Variants in CTNNA3 observed in about 807,000 individuals in gnomAD.
The protein encoded by CTNNA3 is catenin alpha 3.
CTNNA3 carries 76 observed loss-of-function variants against 95.7 expected under a neutral mutation model. That is an observed-to-expected ratio of 0.79 (90% CI 0.66 to 0.96). The LOEUF (loss-of-function observed/expected upper bound fraction) is 0.96, where lower values mean the gene tolerates loss of function less well. Ranked by LOEUF, CTNNA3 falls within the 40% of genes least tolerant of loss-of-function variation. CTNNA3 has a pLI of 0.00. For missense variants in CTNNA3, 1,191 were observed against 1,089.8 expected (o/e 1.09, Z -1.31); for synonymous variants, 431 against 374.4 (o/e 1.15, Z -1.74).
In CTNNA3 at chr10:66,549,235, C is replaced by CT. The variant is rs1398934035; in HGVS notation, c.1375-28463dup. Among the ~76,000 whole-genome samples the CT allele has an allele frequency of 2.0e-5, 3 of 152,138 alleles. No individual in the cohort carries two copies. The East Asian group carries it at 5.8e-4, about 29-fold the overall frequency. ...GCTCTCCATCTCCTGACCTCGTGAT[C>CT]TGCCCGCCTCTGTCTCCACCAAAGT... On this transcript the variant is annotated intron_variant, in intron 10 of 17. Transcript: ENST00000433211.
At chr10:66,006,126 C>T (rs1564572658) in intron 15 of CTNNA3, among the ~76,000 whole-genome samples, 1 of 151,420 alleles carries the variant, frequency 6.6e-6, no homozygotes, top group Admixed American at 6.6e-5. Flanking sequence ...CATTCTCCTG[C>T]CTCAGCCTCC....
intron 5 of CTNNA3, among the ~76,000 whole-genome samples, chr10:67,271,100 C>T (rs1325001408): frequency 6.6e-6 from 1 of 152,100 alleles, no homozygotes; most frequent in Non-Finnish European, 1.5e-5. Flanking sequence ...GCTTTATCTG[C>T]CTGCCAATTT....
intron 13 of CTNNA3, among the ~76,000 whole-genome samples, chr10:66,208,763 A>G (rs1046418617): frequency 5.3e-5 from 8 of 152,182 alleles, no homozygotes; most frequent in Admixed American, 4.6e-4. Flanking sequence ...GACCACCACC[A>G]GCCCTCAGCC....
chr10:66,193,099 G>A (rs935086886), intron 13 of CTNNA3, among the ~76,000 whole-genome samples: 9 of 152,110 alleles, frequency 5.9e-5, no homozygotes, highest in African/African-American at 2.2e-4. Flanking sequence ...CCATTTACAA[G>A]GTCTATTGGG....
chr10:67,132,942 GA>G (rs201942753), intron 7 of CTNNA3, among the ~76,000 whole-genome samples: 2,288 of 152,036 alleles, frequency 0.015, 55 homozygotes, highest in African/African-American at 0.051. Context: ...GGGGTATGAA[GA>G]GAGGTTGGTT....
chr10:66,876,774 A>G (rs1844639763), intron 7 of CTNNA3, among the ~76,000 whole-genome samples: 1 of 152,070 alleles, frequency 6.6e-6, no homozygotes, highest in Non-Finnish European at 1.5e-5. Context: ...GAGCAAGGGA[A>G]CAGAAATAGG....
chr10:67,632,314 A>C (rs1430967120), intron 2 of CTNNA3, among the ~76,000 whole-genome samples: 1 of 148,926 alleles, frequency 6.7e-6, no homozygotes, highest in South Asian at 2.1e-4. Context: ...AAATATATTA[A>C]AAAAAAAAAA....
intron 11 of CTNNA3, among the ~76,000 whole-genome samples, chr10:66,432,185 T>C (rs1393641659): frequency 6.6e-6 from 1 of 152,066 alleles, no homozygotes; most frequent in Admixed American, 6.6e-5. Context: ...TTTATTCAGT[T>C]AATGGTATAG....
chr10:66,954,617 G>A (rs1848698102), intron 7 of CTNNA3, among the ~76,000 whole-genome samples: 2 of 152,064 alleles, frequency 1.3e-5, no homozygotes, highest in Non-Finnish European at 2.9e-5. Flanking sequence ...GTTAACAGAA[G>A]GAAAATGAGG....
intron 8 of CTNNA3, among the ~76,000 whole-genome samples, chr10:66,771,763 C>T (rs553809060): frequency 6.6e-6 from 1 of 152,020 alleles, no homozygotes; most frequent in African/African-American, 2.4e-5. Flanking sequence ...GAGAGCTTTG[C>T]AAAGCATTTA....
At chr10:67,280,064 T>C (rs1187146945) in intron 5 of CTNNA3, among the ~76,000 whole-genome samples, 1 of 150,410 alleles carries the variant, frequency 6.6e-6, no homozygotes, top group Non-Finnish European at 1.5e-5. Context: ...CAAAGTATGG[T>C]GCTTTGGCAT....
At chr10:66,856,987 A>G (rs191791766) in intron 7 of CTNNA3, among the ~76,000 whole-genome samples, 1 of 152,046 alleles carries the variant, frequency 6.6e-6, no homozygotes, top group Non-Finnish European at 1.5e-5. Flanking sequence ...GCCAGGGACT[A>G]TGTTCAGAAT....
chr10:66,449,835 C>T lies in CTNNA3; in HGVS notation c.1532-70483G>A, dbSNP rs1470321699. 2.0e-5 allele frequency among the ~76,000 whole-genome samples: 3 copies of T among 151,946 alleles called. No individual in the cohort carries two copies. In the East Asian group the frequency reaches 5.8e-4, roughly 29 times the overall value. On this transcript the variant is annotated intron_variant, in intron 11 of 17. Transcript: ENST00000433211. ...TACATGCATTTCTTTTGATCTTCTA[C>T]ATGAAAATGCACATACTGGATGGAC...
chr10:66,618,673 C>G (rs1019844438), intron 10 of CTNNA3, among the ~76,000 whole-genome samples: 1 of 152,066 alleles, frequency 6.6e-6, no homozygotes, highest in African/African-American at 2.4e-5. Context: ...GTCTAAAACA[C>G]CTAAAGCAAT....
chr10:66,474,053 G>A (rs929293959), intron 11 of CTNNA3, among the ~76,000 whole-genome samples: 1 of 151,796 alleles, frequency 6.6e-6, no homozygotes, highest in African/African-American at 2.4e-5. Context: ...TTATAGCAGT[G>A]TGAGAATGGA....
At chr10:67,738,987 G>A (rs1309828181) in intron 1 of CTNNA3, among the ~76,000 whole-genome samples, 1 of 152,160 alleles carries the variant, frequency 6.6e-6, no homozygotes, top group African/African-American at 2.4e-5. Flanking sequence ...GAAAGTGACG[G>A]GGAGACTGGA....
chr10:67,631,672 C>G (rs1045610421), intron 2 of CTNNA3, among the ~76,000 whole-genome samples: 1 of 152,124 alleles, frequency 6.6e-6, no homozygotes, highest in Non-Finnish European at 1.5e-5. Flanking sequence ...TGTACTTAAA[C>G]CATGTAACTA....
chr10:67,097,971 G>GTCTA (rs1858112392), intron 7 of CTNNA3: 1 of 614,548 alleles, frequency 1.6e-6, no homozygotes. Flanking sequence ...ATTGTTTTAA[G>GTCTA]TCTACACTTT....
At chr10:67,754,685 T>G (rs1841423949) in intron 1 of CTNNA3, among the ~76,000 whole-genome samples, 2 of 152,102 alleles carry the variant, frequency 1.3e-5, no homozygotes, top group South Asian at 4.1e-4. Flanking sequence ...AATAGACAAC[T>G]GGGATTTTAT....
Sources: allele counts gnomAD v4.1 joint callset (sites outside exome capture counted in the v4.1 genomes callset), GRCh38; gene constraint gnomAD v4.1.1; transcripts MANE v1.5; gene names NCBI Gene and HGNC (gene_info 2026-07-23, HGNC 2026-07-21).